The following PTBP3 variants were observed in gnomAD, a reference collection of about 807,000 sequenced individuals.
PTBP3 encodes the protein polypyrimidine tract binding protein 3.
Under a neutral mutation model 58.7 loss-of-function variants are expected in PTBP3, and 20 were observed. The ratio of observed to expected loss-of-function variants is 0.34; its 90% confidence interval spans 0.24 to 0.50. PTBP3 has a LOEUF of 0.50. Among genes scored for constraint, PTBP3 ranks in the 20% least tolerant of loss-of-function variants. The pLI is 0.98. For missense variants in PTBP3, 509 were observed against 637.2 expected (o/e 0.80, Z 2.17); for synonymous variants, 185 against 219.8 (o/e 0.84, Z 1.40).
intron 3 of PTBP3, chr9:112,272,508 C>T (rs1277357585): frequency 6.6e-6 from 1 of 152,172 alleles, no homozygotes; most frequent in Non-Finnish European, 1.5e-5. Flanking sequence ...TTAGACAATT[C>T]AATTCTTTTT....
intron 2 of PTBP3, among the ~76,000 whole-genome samples, chr9:112,278,314 C>A (rs1291981056): frequency 6.6e-6 from 1 of 152,104 alleles, no homozygotes; most frequent in African/African-American, 2.4e-5. Flanking sequence ...TGGACGGGGG[C>A]GAGAGTTGAA....
At chr9:112,262,985 CT>C (rs762999687) in intron 4 of PTBP3, among the ~76,000 whole-genome samples, 2 of 152,140 alleles carry the variant, frequency 1.3e-5, no homozygotes, top group East Asian at 3.8e-4. Flanking sequence ...TCTAAATATT[CT>C]CCACTAAAAG....
intron 5 of PTBP3, among the ~76,000 whole-genome samples, chr9:112,262,053 C>T (rs1189481641): frequency 6.6e-6 from 1 of 152,012 alleles, no homozygotes; most frequent in Non-Finnish European, 1.5e-5. Flanking sequence ...GAACACTTTC[C>T]CTTTAGAATT....
At chr9:112,376,341 C>T in the PTBP3 span, among the ~76,000 whole-genome samples, 1 of 148,914 alleles carries the variant, frequency 6.7e-6, no homozygotes, top group Non-Finnish European at 1.5e-5. Context: ...GCAACCTCCG[C>T]CTCCCAGGTT....
intron 1 of PTBP3, among the ~76,000 whole-genome samples, chr9:112,329,065 A>C (rs1830266075): frequency 6.6e-6 from 1 of 152,216 alleles, no homozygotes. Context: ...GAACACCCAG[A>C]TATTTTAAGT....
intron 2 of PTBP3, among the ~76,000 whole-genome samples, chr9:112,288,105 G>GT (rs1284947210): frequency 2.0e-5 from 3 of 152,156 alleles, no homozygotes; most frequent in Non-Finnish European, 2.9e-5. Context: ...TTTGGAGTTT[G>GT]TTTTTAAGTT....
chr9:112,368,147 A>C, the PTBP3 span, among the ~76,000 whole-genome samples: 1 of 152,052 alleles, frequency 6.6e-6, no homozygotes, highest in Non-Finnish European at 1.5e-5. Context: ...GGCATGCACC[A>C]CCATGCCTGG....
chr9:112,366,209 G>T, the PTBP3 span, among the ~76,000 whole-genome samples: 1 of 152,024 alleles, frequency 6.6e-6, no homozygotes, highest in African/African-American at 2.4e-5. Context: ...CTTGAACCCA[G>T]GAAGCGGAGA....
intron 1 of PTBP3, among the ~76,000 whole-genome samples, chr9:112,312,676 A>G (rs969183045): frequency 6.6e-6 from 1 of 151,844 alleles, no homozygotes; most frequent in Non-Finnish European, 1.5e-5. Context: ...GTAACTTTAT[A>G]TTAAAATAAA....
chr9:112,340,605 G>A, the PTBP3 span, among the ~76,000 whole-genome samples: 20 of 152,048 alleles, frequency 1.3e-4, no homozygotes, highest in African/African-American at 4.3e-4. Context: ...GTTTAGGGCC[G>A]GGTGCAGTGG....
At chr9:112,281,611 C>A (rs1047454397) in intron 2 of PTBP3, among the ~76,000 whole-genome samples, 25 of 152,166 alleles carry the variant, frequency 1.6e-4, no homozygotes, top group Admixed American at 5.9e-4. Flanking sequence ...ATATTCTGTA[C>A]AGTCTGTGTA....
chr9:112,322,345 G>C (rs768177833), intron 1 of PTBP3, among the ~76,000 whole-genome samples: 3 of 152,054 alleles, frequency 2.0e-5, no homozygotes, highest in Non-Finnish European at 2.9e-5. Context: ...GCCTACCTAA[G>C]GGGGAAAAAA....
intron 1 of PTBP3, among the ~76,000 whole-genome samples, chr9:112,302,582 C>T (rs1441877066): frequency 3.7e-4 from 41 of 110,494 alleles, no homozygotes; most frequent in South Asian, 9.7e-4. Context: ...TATTCTTCAT[C>T]TTTTTTTTTT....
At chr9:112,245,195 C>T (rs1835829581) in intron 7 of PTBP3, among the ~76,000 whole-genome samples, 1 of 152,120 alleles carries the variant, frequency 6.6e-6, no homozygotes, top group Non-Finnish European at 1.5e-5. Flanking sequence ...TCTGTAGTCC[C>T]AGCTACTCGC....
the PTBP3 span, among the ~76,000 whole-genome samples, chr9:112,374,989 T>A: frequency 6.6e-6 from 1 of 152,174 alleles, no homozygotes; most frequent in Non-Finnish European, 1.5e-5. Context: ...TGTAGCCAGG[T>A]CAGCCTTGGT....
chr9:112,271,929 C>G (rs1827402616), intron 3 of PTBP3, among the ~76,000 whole-genome samples: 2 of 152,010 alleles, frequency 1.3e-5, no homozygotes, highest in Admixed American at 1.3e-4. Context: ...TAGTAGATAC[C>G]TGAAGAATGA....
At chr9:112,318,936 T>C (rs1300845125) in intron 1 of PTBP3, among the ~76,000 whole-genome samples, 3 of 151,980 alleles carry the variant, frequency 2.0e-5, no homozygotes, top group African/African-American at 4.8e-5. Flanking sequence ...AAGACCAGCC[T>C]GACCAACATG....
At chr9:112,296,265 TAAC>T (rs928352311) in intron 2 of PTBP3, among the ~76,000 whole-genome samples, 19 of 152,120 alleles carry the variant, frequency 1.2e-4, no homozygotes, top group Non-Finnish European at 7.3e-5. Context: ...AACTTTTTAA[TAAC>T]AACACCTAAA....
chr9:112,378,305 G>A, the PTBP3 span, among the ~76,000 whole-genome samples: 2 of 152,196 alleles, frequency 1.3e-5, no homozygotes, highest in Admixed American at 6.5e-5. Flanking sequence ...GAAAGCCATC[G>A]CAAAGTATAA....
Sources: allele counts gnomAD v4.1 joint callset (sites outside exome capture counted in the v4.1 genomes callset), GRCh38; gene constraint gnomAD v4.1.1; transcripts MANE v1.5; gene names NCBI Gene and HGNC (gene_info 2026-07-23, HGNC 2026-07-21).